Variants in SPATA16 observed in about 807,000 individuals in gnomAD.
SPATA16 encodes the protein spermatogenesis-associated protein 16.
SPATA16 carries 36 observed loss-of-function variants against 63.3 expected under a neutral mutation model. The observed-to-expected ratio is 0.57, with a 90% CI of 0.44 to 0.75. SPATA16 has a LOEUF of 0.75. Among genes scored for constraint, SPATA16 ranks in the 30% least tolerant of loss-of-function variants. SPATA16 has a pLI of 0.00. For synonymous variants in SPATA16, 203 were observed against 216.7 expected (o/e 0.94, Z 0.56); for missense variants, 646 against 679.3 (o/e 0.95, Z 0.54).
intron 10 of SPATA16, among the ~76,000 whole-genome samples, chr3:172,906,588 G>A (rs1450874951): frequency 6.6e-6 from 1 of 152,062 alleles, no homozygotes; most frequent in African/African-American, 2.4e-5. Context: ...ACAGACAACA[G>A]TGCTGGTCAC....
intron 10 of SPATA16, among the ~76,000 whole-genome samples, chr3:172,890,944 GTAT>G (rs1731881642): frequency 2.2e-5 from 3 of 139,240 alleles, no homozygotes; most frequent in Admixed American, 2.1e-4. Flanking sequence ...ATTATTCTAT[GTAT>G]TCCATATATA....
At chr3:173,090,762 A>C (rs1737201486) in intron 2 of SPATA16, among the ~76,000 whole-genome samples, 1 of 152,240 alleles carries the variant, frequency 6.6e-6, no homozygotes, top group Non-Finnish European at 1.5e-5. Context: ...AAATGGATAC[A>C]TTTAACATAG....
At chr3:172,930,553 CTTTTTTTTTTTTTT>C (rs34780432) in intron 6 of SPATA16, among the ~76,000 whole-genome samples, 1 of 87,366 alleles carries the variant, frequency 1.1e-5, no homozygotes, top group Non-Finnish European at 2.1e-5. Context: ...CATTCAAACT[CTTTTTTTTTTTTTT>C]TTTTTTTTTG....
At chr3:173,015,845 A>T (rs1735170134) in intron 4 of SPATA16, among the ~76,000 whole-genome samples, 1 of 142,674 alleles carries the variant, frequency 7.0e-6, no homozygotes, top group African/African-American at 2.6e-5. Flanking sequence ...CTTCTCATGA[A>T]GGTAGTCCCA....
At chr3:172,996,262 CTTA>C (rs1424018860) in intron 4 of SPATA16, among the ~76,000 whole-genome samples, 1 of 152,006 alleles carries the variant, frequency 6.6e-6, no homozygotes, top group Non-Finnish European at 1.5e-5. Context: ...TACTTAATCA[CTTA>C]TTATTATTAC....
chr3:173,010,899 C>T (rs1735057491), intron 4 of SPATA16, among the ~76,000 whole-genome samples: 1 of 152,038 alleles, frequency 6.6e-6, no homozygotes, highest in South Asian at 2.1e-4. Context: ...AACCCAACTC[C>T]CCTAGACAGA....
chr3:172,897,643 C>G (rs1732034198), intron 10 of SPATA16, among the ~76,000 whole-genome samples: 1 of 151,760 alleles, frequency 6.6e-6, no homozygotes, highest in African/African-American at 2.4e-5. Flanking sequence ...TATCTTGCAA[C>G]CTTGCTGAAC....
In SPATA16 at chr3:172,924,243, G is replaced by T; in HGVS notation, c.1303C>A (p.Pro435Thr). 1.2e-6 allele frequency: 2 copies of T among 1,613,222 alleles called. No homozygotes were observed. Among genetic ancestry groups the T allele is most frequent in the Non-Finnish European group, 1.7e-6 (2 of 1,179,570 alleles). Residue 435 changes from proline to threonine, a missense_variant, in exon 8 of 11, where the codon CCA becomes ACA. Pro to Thr is a conservative substitution (Grantham distance 38, BLOSUM62 -1). Transcript: ENST00000351008. ...GTGCTTCTAATAAAATCCAATATTG[G>T]CAAGATTCGCTTCCCCATTGTCTCC... is the stretch of plus-strand genomic sequence containing the variant. ...QMETMGKRIL[P>T]ILDFIRSTQL...
At chr3:173,016,705 AGATT>A (rs369196700) in intron 4 of SPATA16, among the ~76,000 whole-genome samples, 1 of 152,142 alleles carries the variant, frequency 6.6e-6, no homozygotes, top group African/African-American at 2.4e-5. Context: ...AATCTCCAAT[AGATT>A]GATTGATAAA....
chr3:173,041,030 G>A (rs1272935578), intron 3 of SPATA16, among the ~76,000 whole-genome samples: 2 of 152,074 alleles, frequency 1.3e-5, no homozygotes, highest in Admixed American at 6.6e-5. Context: ...AGGGTTTCAA[G>A]AATGAGTTGG....
chr3:172,903,184 C>T (rs1426999970), intron 10 of SPATA16, among the ~76,000 whole-genome samples: 3 of 152,164 alleles, frequency 2.0e-5, no homozygotes, highest in African/African-American at 2.4e-5. Flanking sequence ...GCAAAGAAGA[C>T]ATTTTTAGTA....
In SPATA16 at chr3:172,932,136, G is replaced by C. The variant is rs542823286; in HGVS notation, c.1082-6644C>G. Among the ~76,000 whole-genome samples the C allele has an allele frequency of 5.3e-5, 8 of 152,240 alleles. No individual in the cohort carries two copies. In the South Asian group the frequency reaches 1.5e-3, roughly 28 times the overall value. ...AAATTTTAAGCTCTATGGAAATAAAGCACTAAGCATAGACACTATTGTTAT... is the reference window on the plus strand; with the variant it reads ...AAATTTTAAGCTCTATGGAAATAAACCACTAAGCATAGACACTATTGTTAT... On this transcript the variant is annotated intron_variant, in intron 6 of 10. Coordinates refer to ENST00000351008, the MANE Select transcript of SPATA16 (RefSeq NM_031955.6).
chr3:173,093,228 C>G (rs1025065105), intron 2 of SPATA16, among the ~76,000 whole-genome samples: 2 of 151,994 alleles, frequency 1.3e-5, no homozygotes, highest in Non-Finnish European at 2.9e-5. Flanking sequence ...ATAGTAGTTT[C>G]TATTTAAAAA....
intron 4 of SPATA16, among the ~76,000 whole-genome samples, chr3:172,999,912 A>G (rs1368674892): frequency 3.9e-5 from 6 of 152,086 alleles, no homozygotes; most frequent in Non-Finnish European, 7.4e-5. Context: ...TTTCTGCTCT[A>G]ATTTTTGTGT....
intron 2 of SPATA16, among the ~76,000 whole-genome samples, chr3:173,051,064 C>CA (rs766764846): frequency 2.6e-5 from 4 of 152,166 alleles, no homozygotes; most frequent in African/African-American, 4.8e-5. Flanking sequence ...AATACCTAAA[C>CA]AGAGTTTTCC....
chr3:172,982,067 G>A (rs1734334984), intron 4 of SPATA16, among the ~76,000 whole-genome samples: 1 of 152,102 alleles, frequency 6.6e-6, no homozygotes, highest in African/African-American at 2.4e-5. Context: ...AATGGTGCCT[G>A]GCATGGTAGT....
At chr3:173,038,809 C>T (rs962524641) in intron 3 of SPATA16, among the ~76,000 whole-genome samples, 1 of 152,142 alleles carries the variant, frequency 6.6e-6, no homozygotes, top group Non-Finnish European at 1.5e-5. Context: ...GACATTAAGG[C>T]TGAAATTTGC....
intron 1 of SPATA16, among the ~76,000 whole-genome samples, chr3:173,125,979 A>G (rs1362511401): frequency 6.6e-6 from 1 of 152,194 alleles, no homozygotes; most frequent in Non-Finnish European, 1.5e-5. Context: ...AATCACCTAA[A>G]TGTAAGTTAG....
At position 173,129,170 on chromosome 3, in the gene SPATA16, G is replaced by A. The variant is rs557228265; in HGVS notation, c.-18-11421C>T. Among the ~76,000 whole-genome samples, 332 of 152,294 alleles carry A rather than the reference G, an allele frequency of 2.2e-3. 16 individuals carry two copies. The South Asian group carries it at 0.068, about 31-fold the overall frequency. ...GGGGAATTACAAAGATAAATAAAAT[G>A]GATTGTGCTTCACAGGAACTCAGGA... On this transcript the variant is annotated intron_variant, in intron 1 of 10. Coordinates refer to ENST00000351008, the MANE Select transcript of SPATA16 (RefSeq NM_031955.6).
Sources: gnomAD v4.1 joint callset for allele counts (sites outside exome capture counted in the v4.1 genomes callset) on GRCh38, gnomAD v4.1.1 for gene constraint, MANE v1.5 for transcripts, NCBI Gene and HGNC (gene_info 2026-07-23, HGNC 2026-07-21) for gene names.